CPNE4: variants seen among roughly 807,000 people sequenced by gnomAD.
CPNE4 encodes copine 4, also known as copine-4.
In CPNE4, 25 loss-of-function variants were observed where a neutral mutation model predicts 67.9. The ratio of observed to expected loss-of-function variants is 0.37; its 90% CI spans 0.27 to 0.51. The LOEUF is 0.51. CPNE4 is among the 20% of genes least tolerant of loss of function. The pLI is 0.93. For synonymous variants in CPNE4, 242 were observed against 244.9 expected (o/e 0.99, Z 0.11); for missense variants, 464 against 690.8 (o/e 0.67, Z 3.68).
At chr3:131,639,265 C>T (rs189567650) in intron 7 of CPNE4, among the ~76,000 whole-genome samples, 17 of 151,858 alleles carry the variant, frequency 1.1e-4, no homozygotes, top group Non-Finnish European at 1.6e-4. Flanking sequence ...GGACCATTAG[C>T]GAGATTAACC....
At chr3:131,650,254 A>T (rs564178038) in intron 7 of CPNE4, among the ~76,000 whole-genome samples, 8 of 152,336 alleles carry the variant, frequency 5.3e-5, no homozygotes, top group African/African-American at 1.7e-4. Context: ...AATAATCACA[A>T]GAAAGATATC....
At chr3:131,951,104 A>G (rs1343427074) in intron 1 of CPNE4, among the ~76,000 whole-genome samples, 3 of 152,340 alleles carry the variant, frequency 2.0e-5, no homozygotes, top group African/African-American at 7.2e-5. Context: ...TATTGGAATT[A>G]TACCAATATT....
At chr3:131,756,013 A>G (rs2082742917) in intron 2 of CPNE4, among the ~76,000 whole-genome samples, 1 of 152,194 alleles carries the variant, frequency 6.6e-6, no homozygotes, top group Non-Finnish European at 1.5e-5. Flanking sequence ...ATTATCATCC[A>G]CCAAGAATGT....
intron 7 of CPNE4, among the ~76,000 whole-genome samples, chr3:131,665,138 A>G (rs2080225702): frequency 2.0e-5 from 3 of 152,082 alleles, no homozygotes; most frequent in Non-Finnish European, 1.5e-5. Flanking sequence ...GAGGGAGAGG[A>G]CTGCTTGAGC....
chr3:132,039,044 A>C (rs962158894), upstream of CPNE4, among the ~76,000 whole-genome samples: 4 of 152,218 alleles, frequency 2.6e-5, no homozygotes, highest in African/African-American at 9.7e-5. Context: ...TGATTTTGTC[A>C]GTTCCACAAG....
intron 2 of CPNE4, among the ~76,000 whole-genome samples, chr3:131,785,787 G>A (rs1490984690): frequency 6.6e-6 from 1 of 151,910 alleles, no homozygotes; most frequent in African/African-American, 2.4e-5. Flanking sequence ...TGGGTGCTCA[G>A]GGTTTGGAGG....
intron 2 of CPNE4, among the ~76,000 whole-genome samples, chr3:131,755,905 C>T (rs1449946529): frequency 6.6e-6 from 1 of 152,176 alleles, no homozygotes; most frequent in East Asian, 1.9e-4. Context: ...CCTTTCCTGG[C>T]ATATCCAAGA....
chr3:131,926,792 T>G (rs2070907490), intron 1 of CPNE4, among the ~76,000 whole-genome samples: 1 of 152,172 alleles, frequency 6.6e-6, no homozygotes, highest in South Asian at 2.1e-4. Flanking sequence ...AAAATTCCTT[T>G]AATACCCTAG....
At chr3:131,587,344 T>C (rs958574755) in intron 8 of CPNE4, 140 bp downstream of exon 8, 12 of 626,210 alleles carry the variant, frequency 1.9e-5, no homozygotes, top group Middle Eastern at 2.6e-4. Flanking sequence ...AGAATCTAGA[T>C]ACTCACATCC....
At chr3:131,595,256 G>A (rs1226057303) in intron 7 of CPNE4, among the ~76,000 whole-genome samples, 1 of 152,192 alleles carries the variant, frequency 6.6e-6, no homozygotes, top group Non-Finnish European at 1.5e-5. Context: ...TGAACAGGAT[G>A]TCTGCACTCT....
chr3:132,033,603 C>A (rs972214226), intron 1 of CPNE4, among the ~76,000 whole-genome samples: 5 of 152,206 alleles, frequency 3.3e-5, no homozygotes, highest in African/African-American at 1.2e-4. Flanking sequence ...GTGACTTTCC[C>A]TGGAGCCTAG....
Position 131,681,859 on chromosome 3 carries a change from T to C in CPNE4, c.591+4016A>G, listed in dbSNP as rs140794872. Among the ~76,000 whole-genome samples, 394 of 152,204 alleles carry C rather than the reference T, an allele frequency of 2.6e-3. 3 individuals are homozygous for C. The highest frequency in any genetic ancestry group is 9.0e-3 in the African/African-American group (374 of 41,558). ...TCTCTTCTGATGGTCTGTTTTCAAA[T>C]AGCCTATCTTCAAGCTAATTCTTTC... On this transcript the variant is annotated intron_variant, in intron 6 of 15. Coordinates refer to ENST00000429747, the MANE Select transcript of CPNE4 (RefSeq NM_130808.3).
At position 131,801,825 on chromosome 3, in the gene CPNE4, T is replaced by C. The variant is rs974582639; in HGVS notation, c.181-78200A>G. Among the ~76,000 whole-genome samples the C allele has an allele frequency of 7.7e-5, 10 of 129,096 alleles. No individual in the cohort carries two copies. The Admixed American group carries it at 9.0e-4, about 12-fold the overall frequency. The allele number at this position is 129,096 out of a possible 152,430, so 84.7% of individuals were successfully genotyped here. On this transcript the variant is annotated intron_variant, in intron 2 of 15. Transcript: ENST00000429747. ...AACTTCAGGACTCAGTCCAGGTACA[T>C]TGCCTAGTGGCAATGCCTCCAAGCC... is the stretch of plus-strand genomic sequence containing the variant.
intron 2 of CPNE4, among the ~76,000 whole-genome samples, chr3:131,804,360 A>G (rs1443221906): frequency 6.6e-6 from 1 of 151,942 alleles, no homozygotes; most frequent in East Asian, 1.9e-4. Flanking sequence ...ACAAATTATA[A>G]ATATCTATAG....
chr3:131,927,736 C>T (rs2070938016), intron 1 of CPNE4, among the ~76,000 whole-genome samples: 1 of 152,062 alleles, frequency 6.6e-6, no homozygotes, highest in African/African-American at 2.4e-5. Context: ...TTAGTTTTAA[C>T]CAGAGTTTCA....
intron 2 of CPNE4, among the ~76,000 whole-genome samples, chr3:131,725,029 ATGTAC>A (rs2081970888): frequency 6.6e-6 from 1 of 152,226 alleles, no homozygotes; most frequent in Admixed American, 6.5e-5. Context: ...TGGAACCTCT[ATGTAC>A]TGTCAGCTTT....
intron 2 of CPNE4, among the ~76,000 whole-genome samples, chr3:131,861,558 G>A (rs568454802): frequency 6.6e-6 from 1 of 151,988 alleles, no homozygotes; most frequent in Non-Finnish European, 1.5e-5. Context: ...AGCCTCCCAA[G>A]TAGTTGGGAT....
At chr3:131,856,776 C>T (rs546888103) in intron 2 of CPNE4, among the ~76,000 whole-genome samples, 1 of 152,062 alleles carries the variant, frequency 6.6e-6, no homozygotes, top group Admixed American at 6.6e-5. Context: ...AAGCTTTATG[C>T]CTTAAAGCAT....
At chr3:131,717,614 G>T (rs552511014) in intron 3 of CPNE4, among the ~76,000 whole-genome samples, 29 of 152,062 alleles carry the variant, frequency 1.9e-4, no homozygotes, top group Non-Finnish European at 4.0e-4. Flanking sequence ...CAGCCAAATC[G>T]CTCCCCCAGT....
Sources: allele counts gnomAD v4.1 joint callset (sites outside exome capture counted in the v4.1 genomes callset), GRCh38; gene constraint gnomAD v4.1.1; transcripts MANE v1.5; gene names NCBI Gene and HGNC (gene_info 2026-07-23, HGNC 2026-07-21).